Variants in HTR1F observed in about 807,000 individuals in gnomAD.
HTR1F encodes 5-hydroxytryptamine receptor 1F, also known as 5-hydroxytryptamine (serotonin) receptor 1F, G protein-coupled.
Under a neutral mutation model 24.0 loss-of-function variants are expected in HTR1F, and 17 were observed. That is an observed-to-expected ratio of 0.71 (90% CI 0.48 to 1.06). The LOEUF (loss-of-function observed/expected upper bound fraction) is 1.06. Among genes scored for constraint, HTR1F ranks in the 50% least tolerant of loss-of-function variants. The pLI, the probability that HTR1F is intolerant of heterozygous loss-of-function variation, is 0.00. For missense variants in HTR1F, 391 were observed against 427.8 expected (o/e 0.91, Z 0.76); for synonymous variants, 186 against 156.8 (o/e 1.19, Z -1.39).
chr3:87,920,444 C>T (rs1703989840), intron 2 of HTR1F, among the ~76,000 whole-genome samples: 1 of 151,774 alleles, frequency 6.6e-6, no homozygotes, highest in African/African-American at 2.4e-5. Flanking sequence ...TACTGCAAGA[C>T]CCTGGAGAAA....
rs1227643566 is a variant in HTR1F at position 87,850,067 on chromosome 3, A to G, written c.-43+27943A>G. 9.2e-5 allele frequency among the ~76,000 whole-genome samples: 14 copies of G among 152,080 alleles called. 1 individual carries two copies. In the South Asian group the frequency reaches 2.9e-3, roughly 32 times the overall value. ...CAGTGTGGTGATTCCTCAGGGATCT[A>G]AAACTAGAAATACCGTTTGACCCAG... On this transcript the variant is annotated intron_variant, in intron 2 of 2. Coordinates refer to ENST00000319595, the MANE Select transcript of HTR1F (RefSeq NM_001322209.2).
At chr3:87,969,561 G>A (rs1160452306) in intron 2 of HTR1F, among the ~76,000 whole-genome samples, 9 of 152,194 alleles carry the variant, frequency 5.9e-5, no homozygotes, top group Admixed American at 5.9e-4. Flanking sequence ...TTTACCCAGT[G>A]CCTTTACCCC....
chr3:87,797,127 G>C (rs1703918103), intron 1 of HTR1F, among the ~76,000 whole-genome samples: 1 of 152,090 alleles, frequency 6.6e-6, no homozygotes, highest in South Asian at 2.1e-4. Context: ...TGTTATAATT[G>C]TTCTTTGTTA....
intron 2 of HTR1F, among the ~76,000 whole-genome samples, chr3:87,893,835 T>A (rs1341014928): frequency 1.3e-5 from 2 of 152,206 alleles, no homozygotes; most frequent in African/African-American, 2.4e-5. Flanking sequence ...TTCATTATAA[T>A]GCTACATAAG....
intron 2 of HTR1F, among the ~76,000 whole-genome samples, chr3:87,875,907 G>A (rs1169157214): frequency 2.5e-4 from 32 of 129,806 alleles, no homozygotes; most frequent in Non-Finnish European, 7.8e-5. Context: ...CTGGGCAGAA[G>A]AGCAAGGCTC....
intron 2 of HTR1F, among the ~76,000 whole-genome samples, chr3:87,832,164 T>C (rs941225920): frequency 3.3e-5 from 5 of 152,142 alleles, no homozygotes; most frequent in Non-Finnish European, 7.4e-5. Flanking sequence ...CTAAAATCCG[T>C]ATCTTCCATG....
At chr3:87,904,285 G>A (rs1326363836) in intron 2 of HTR1F, among the ~76,000 whole-genome samples, 2 of 152,008 alleles carry the variant, frequency 1.3e-5, no homozygotes, top group African/African-American at 4.8e-5. Context: ...AGTGTAAAAA[G>A]GTTTAAATTC....
At chr3:87,980,718 C>A (rs1244593245) in intron 2 of HTR1F, among the ~76,000 whole-genome samples, 2 of 152,054 alleles carry the variant, frequency 1.3e-5, no homozygotes, top group East Asian at 1.9e-4. Context: ...TGCCCTCAGT[C>A]CCCCCTCGGC....
intron 2 of HTR1F, among the ~76,000 whole-genome samples, chr3:87,965,938 A>G (rs1705154357): frequency 6.6e-6 from 1 of 152,228 alleles, no homozygotes; most frequent in South Asian, 2.1e-4. Flanking sequence ...TAAATTCTTT[A>G]CTAAAATGTC....
rs1304848384 is a variant in HTR1F at position 87,793,794 on chromosome 3, T to C, written c.-160+952T>C. 2.0e-5 allele frequency among the ~76,000 whole-genome samples: 3 copies of C among 152,128 alleles called. No homozygotes were observed. In the East Asian group the frequency reaches 5.8e-4, roughly 29 times the overall value. On this transcript the variant is annotated intron_variant, in intron 1 of 2. Transcript: ENST00000319595. ...AAGAAGCCTTAAGGAGCAGATTTTGTTTTTCCTGCATGTTAATTACTTCCC... is the reference window on the plus strand; with the variant it reads ...AAGAAGCCTTAAGGAGCAGATTTTGCTTTTCCTGCATGTTAATTACTTCCC...
chr3:87,882,814 C>A (rs894632045), intron 2 of HTR1F, among the ~76,000 whole-genome samples: 1 of 151,832 alleles, frequency 6.6e-6, no homozygotes, highest in Non-Finnish European at 1.5e-5. Flanking sequence ...ATGTAACTAA[C>A]CTGCACATTG....
chr3:87,889,611 A>C (rs545579568), intron 2 of HTR1F, among the ~76,000 whole-genome samples: 20 of 152,240 alleles, frequency 1.3e-4, no homozygotes, highest in Admixed American at 9.8e-4. Flanking sequence ...AATGTTAGGC[A>C]GTTAAAAGAT....
intron 2 of HTR1F, among the ~76,000 whole-genome samples, chr3:87,832,768 CACATTAT>C (rs1424593010): frequency 6.6e-6 from 1 of 152,158 alleles, no homozygotes; most frequent in African/African-American, 2.4e-5. Flanking sequence ...TTTCACATTT[CACATTAT>C]CAAGATTACA....
intron 2 of HTR1F, among the ~76,000 whole-genome samples, chr3:87,941,205 GCTTT>G (rs1704559791): frequency 6.6e-6 from 1 of 152,170 alleles, no homozygotes; most frequent in East Asian, 1.9e-4. Flanking sequence ...ATGGGTATTG[GCTTT>G]CTGAGTTTTC....
chr3:87,938,931 G>T (rs1457907801), intron 2 of HTR1F, among the ~76,000 whole-genome samples: 1 of 152,150 alleles, frequency 6.6e-6, no homozygotes, highest in East Asian at 1.9e-4. Flanking sequence ...AGCAAAAATT[G>T]ACATATGGAT....
At chr3:87,916,432 A>G (rs1703896957) in intron 2 of HTR1F, among the ~76,000 whole-genome samples, 2 of 152,080 alleles carry the variant, frequency 1.3e-5, no homozygotes, top group South Asian at 4.1e-4. Context: ...AAAGATACAG[A>G]ACTTCAGAAT....
At position 87,852,525 on chromosome 3, in the gene HTR1F, C is replaced by G. The variant is rs1430785668; in HGVS notation, c.-43+30401C>G. Reference sequence around the variant, plus strand: ...AAATCACATTTTCTCCTACCAAATTCTTATTGCCTGTGTCATACATTAAGT... The same window carrying G: ...AAATCACATTTTCTCCTACCAAATTGTTATTGCCTGTGTCATACATTAAGT... On this transcript the variant is annotated intron_variant, in intron 2 of 2. Coordinates refer to ENST00000319595, the MANE Select transcript of HTR1F (RefSeq NM_001322209.2). Among the ~76,000 whole-genome samples, 3 of 151,730 alleles carry G rather than the reference C, an allele frequency of 2.0e-5. 1 individual carries two copies. Among genetic ancestry groups the G allele is most frequent in the African/African-American group, 7.3e-5 (3 of 41,228 alleles).
intron 2 of HTR1F, among the ~76,000 whole-genome samples, chr3:87,977,552 G>C (rs779693353): frequency 3.3e-4 from 50 of 150,740 alleles, no homozygotes; most frequent in African/African-American, 1.2e-3. Flanking sequence ...GCACCCGCCA[G>C]CACGCCCAGC....
At chr3:87,963,076 T>C (rs1705095078) in intron 2 of HTR1F, among the ~76,000 whole-genome samples, 2 of 152,138 alleles carry the variant, frequency 1.3e-5, no homozygotes, top group South Asian at 4.1e-4. Flanking sequence ...AATGATATTT[T>C]ACAAAATTTG....
Sources: allele counts gnomAD v4.1 joint callset (sites outside exome capture counted in the v4.1 genomes callset), GRCh38; gene constraint gnomAD v4.1.1; transcripts MANE v1.5; gene names NCBI Gene and HGNC (gene_info 2026-07-23, HGNC 2026-07-21).